Variants in MYO10 observed in about 807,000 individuals in gnomAD.
MYO10 encodes the protein myosin X.
Under a neutral mutation model 257.3 loss-of-function variants are expected in MYO10, and 133 were observed. The observed-to-expected ratio is 0.52, with a 90% CI of 0.45 to 0.60. The LOEUF (loss-of-function observed/expected upper bound fraction) is 0.60. MYO10 is among the 20% of genes least tolerant of loss of function. The pLI, the probability that MYO10 is intolerant of heterozygous loss-of-function variation, is 0.00. For missense variants in MYO10, 2,399 were observed against 2,635.7 expected (o/e 0.91, Z 1.97); for synonymous variants, 1,104 against 1,028.6 (o/e 1.07, Z -1.40).
chr5:16,731,876 C>T (rs1195708296), intron 19 of MYO10, among the ~76,000 whole-genome samples: 1 of 152,122 alleles, frequency 6.6e-6, no homozygotes, highest in Non-Finnish European at 1.5e-5. Flanking sequence ...CGGCTGGACA[C>T]ATGACTTGAG....
At chr5:16,683,857 T>A in intron 30 of MYO10, 23 bp downstream of exon 30, 1 of 1,612,946 alleles carries the variant, frequency 6.2e-7, no homozygotes, top group Non-Finnish European at 8.5e-7. Context: ...GCTGTTTTTG[T>A]TAAGAGCCAC....
At chr5:16,794,207 T>G (rs1219050827) in intron 4 of MYO10, among the ~76,000 whole-genome samples, 1 of 152,054 alleles carries the variant, frequency 6.6e-6, no homozygotes, top group Non-Finnish European at 1.5e-5. Flanking sequence ...GTTATTTTAT[T>G]GCAGTAGAGA....
At chr5:16,809,917 G>A (rs549996759) in intron 3 of MYO10, among the ~76,000 whole-genome samples, 10 of 152,182 alleles carry the variant, frequency 6.6e-5, no homozygotes, top group South Asian at 6.2e-4. Flanking sequence ...AGCTCTCCCC[G>A]TGATGTGGTT....
chr5:16,711,512 G>A (rs1193400129), intron 19 of MYO10, among the ~76,000 whole-genome samples: 2 of 152,294 alleles, frequency 1.3e-5, no homozygotes, highest in African/African-American at 2.4e-5. Flanking sequence ...AGCCGGGCAC[G>A]GTGGCTCGCG....
At chr5:16,906,651 C>G (rs1745527634) in intron 1 of MYO10, among the ~76,000 whole-genome samples, 1 of 152,176 alleles carries the variant, frequency 6.6e-6, no homozygotes, top group South Asian at 2.1e-4. Context: ...CTTCCTCCTT[C>G]TCTATGCCTA....
Position 16,763,668 on chromosome 5 carries a change from G to C in MYO10, c.1414C>G (p.Leu472Val), listed in dbSNP as rs1173646556. The change falls in exon 13 of 41, where the codon CTA (leucine) becomes GTA (valine). Residue 472 changes from leucine to valine, a missense_variant. Physicochemically the swap from Leu to Val is conservative, Grantham distance 32 (BLOSUM62 1). Transcript: ENST00000513610. ...FNKHIFSLEQ[L>V]EYSREGLVWE... ...ATGAGTGCTTACCGGCTATATTCTA[G>C]TTGTTCTAAAGAAAAAATATGCTTG... 1 of 1,607,030 alleles carries C rather than the reference G, an allele frequency of 6.2e-7. No individual in the cohort carries two copies. The highest frequency in any genetic ancestry group is 8.5e-7 in the Non-Finnish European group (1 of 1,173,958).
intron 1 of MYO10, among the ~76,000 whole-genome samples, chr5:16,895,603 A>G (rs1270215686): frequency 6.6e-6 from 1 of 151,934 alleles, no homozygotes; most frequent in African/African-American, 2.4e-5. Context: ...CAACCCAACA[A>G]GAGCTCCTTC....
Position 16,783,412 on chromosome 5 carries a change from T to C in MYO10, c.525A>G (p.Ser175=), listed in dbSNP as rs953209452. The C allele has an allele frequency of 1.9e-6, 3 of 1,609,804 alleles. No individual in the cohort carries two copies. Among genetic ancestry groups the C allele is most frequent in the Non-Finnish European group, 2.5e-6 (3 of 1,178,092 alleles). The change falls in exon 5 of 41, where the codon TCA becomes TCG. Residue 175 remains serine, a synonymous_variant. Coordinates refer to ENST00000513610, the MANE Select transcript of MYO10 (RefSeq NM_012334.3). ...ATTCCAAAGACTGTTGACTGATGACTGACAGAAACTTGAGGATCAATTTAG... is the reference window on the plus strand; with the variant it reads ...ATTCCAAAGACTGTTGACTGATGACCGACAGAAACTTGAGGATCAATTTAG... ...ESTKLILKFL[S]VISQQSLELS... is the part of the protein sequence containing the mutation.
intron 21 of MYO10, among the ~76,000 whole-genome samples, chr5:16,709,936 G>A (rs1738520495): frequency 6.6e-6 from 1 of 152,194 alleles, no homozygotes; most frequent in African/African-American, 2.4e-5. Flanking sequence ...GAATGTCCAG[G>A]AGGTGAAGCC....
intron 1 of MYO10, among the ~76,000 whole-genome samples, chr5:16,927,210 CAT>C (rs1462826154): frequency 6.6e-6 from 1 of 151,176 alleles, no homozygotes; most frequent in African/African-American, 2.4e-5. Flanking sequence ...TTATCAGAAA[CAT>C]ATATATGAAG....
chr5:16,671,576 G>A (rs761943181), intron 37 of MYO10, 34 bp from the exon 38 acceptor site: 2 of 1,613,494 alleles, frequency 1.2e-6, no homozygotes, highest in Admixed American at 3.3e-5. Context: ...CTCAGAATAT[G>A]AACGAGAAGG....
chr5:16,842,926 GAAAA>G lies in MYO10; in HGVS notation c.121-24763_121-24760del, dbSNP rs36097603. Among the ~76,000 whole-genome samples the G allele has an allele frequency of 7.3e-3, 916 of 125,510 alleles. 6 individuals are homozygous for G. The highest frequency in any genetic ancestry group is 0.023 in the African/African-American group (794 of 34,032). The allele number at this position is 125,510 out of a possible 152,430, so 82.3% of individuals were successfully genotyped here. A position where few individuals can be genotyped will look rare whatever the true frequency, so the allele number is the denominator to read the frequency against. On this transcript the variant is annotated intron_variant, in intron 2 of 40. Coordinates refer to ENST00000513610, the MANE Select transcript of MYO10 (RefSeq NM_012334.3). The stretch of plus-strand genomic sequence containing the variant: ...AAAAAGAGAGAGAAAAAAGAAAAAG[GAAAA>G]AAAAAAAAAAAGGAACTTTGAAATA...
intron 19 of MYO10, among the ~76,000 whole-genome samples, chr5:16,737,216 G>A (rs766493280): frequency 6.6e-6 from 1 of 152,192 alleles, no homozygotes; most frequent in East Asian, 1.9e-4. Context: ...TAATTTTGTA[G>A]AGGCAAACTT....
At chr5:16,832,002 G>C (rs1743176662) in intron 2 of MYO10, among the ~76,000 whole-genome samples, 1 of 152,090 alleles carries the variant, frequency 6.6e-6, no homozygotes. Flanking sequence ...GAGTGCAGTG[G>C]AGCAATCTCA....
At chr5:16,882,436 T>G (rs1295487714) in intron 1 of MYO10, among the ~76,000 whole-genome samples, 3 of 152,056 alleles carry the variant, frequency 2.0e-5, no homozygotes, top group African/African-American at 7.2e-5. Flanking sequence ...AAAAAATTTT[T>G]TTAAGTCTTG....
At position 16,668,380 on chromosome 5, in the gene MYO10, A is replaced by G; in HGVS notation, c.5972T>C (p.Leu1991Pro). ...GATGTGTTCATACTGGAAGACTTCC[A>G]GTGGTCTTCCCTCTCCACGCTTGTA... ...SVYKRGEGRPLEVFQYEHILS... is the reference protein window; with the variant it reads ...SVYKRGEGRPPEVFQYEHILS... Residue 1991 changes from leucine to proline, a missense_variant, in exon 40 of 41, where the codon CTG becomes CCG. Transcript: ENST00000513610. 1 of 1,613,976 alleles carries G rather than the reference A, an allele frequency of 6.2e-7. No individual in the cohort carries two copies. Among genetic ancestry groups the G allele is most frequent in the Non-Finnish European group, 8.5e-7 (1 of 1,179,864 alleles).
At chr5:16,709,922 T>G (rs1467955570) in intron 21 of MYO10, among the ~76,000 whole-genome samples, 1 of 152,206 alleles carries the variant, frequency 6.6e-6, no homozygotes, top group Non-Finnish European at 1.5e-5. Flanking sequence ...GACTTTCCCT[T>G]GCTGAATGTC....
intron 1 of MYO10, among the ~76,000 whole-genome samples, chr5:16,913,979 G>GA (rs1745744313): frequency 1.3e-5 from 2 of 152,160 alleles, no homozygotes; most frequent in African/African-American, 4.8e-5. Context: ...GTTAAGACAA[G>GA]AAACAATACA....
intron 4 of MYO10, 87 bp downstream of exon 4, chr5:16,794,559 G>A (rs1741872528): frequency 7.8e-6 from 10 of 1,276,870 alleles, no homozygotes; most frequent in African/African-American, 1.5e-5. Flanking sequence ...GCTTCCTCTG[G>A]TTAATGCCCT....
Sources: gnomAD v4.1 joint callset for allele counts (sites outside exome capture counted in the v4.1 genomes callset) on GRCh38, gnomAD v4.1.1 for gene constraint, MANE v1.5 for transcripts, NCBI Gene and HGNC (gene_info 2026-07-23, HGNC 2026-07-21) for gene names.